The following SCUBE1 variants were observed in gnomAD, a reference collection of about 807,000 sequenced individuals.
The protein encoded by SCUBE1 is signal peptide, CUB domain and EGF like domain containing 1, also known as signal peptide, CUB and EGF-like domain-containing protein 1.
In SCUBE1, 59 loss-of-function variants were observed where a neutral mutation model predicts 124.4. The observed-to-expected ratio is 0.47, with a 90% CI of 0.38 to 0.59. The LOEUF is 0.59. Among genes scored for constraint, SCUBE1 ranks in the 20% least tolerant of loss-of-function variants. The pLI is 0.00. For synonymous variants in SCUBE1, 545 were observed against 550.9 expected, an observed-to-expected ratio of 0.99 and a Z score of 0.15; for missense variants, 1,150 against 1,371.2, an observed-to-expected ratio of 0.84 and a Z score of 2.55.
intron 2 of SCUBE1, among the ~76,000 whole-genome samples, chr22:43,330,249 A>T (rs1004722422): frequency 1.3e-5 from 2 of 152,282 alleles, no homozygotes; most frequent in Middle Eastern, 3.4e-3. Flanking sequence ...TCACGGAGTT[A>T]GGAGGGACCA....
intron 15 of SCUBE1, among the ~76,000 whole-genome samples, chr22:43,214,676 C>T (rs925024965): frequency 2.0e-5 from 3 of 152,062 alleles, no homozygotes; most frequent in African/African-American, 7.2e-5. Flanking sequence ...GAGTTAGGGG[C>T]AGTGGGGAGG....
intron 4 of SCUBE1, among the ~76,000 whole-genome samples, chr22:43,273,561 CTTTTTTT>C (rs1056252584): frequency 2.8e-4 from 17 of 60,972 alleles, no homozygotes; most frequent in Middle Eastern, 0.024. Context: ...CTAAAACCCT[CTTTTTTT>C]TTTTTTTTTT....
chr22:43,239,055 G>A (rs767586395), intron 6 of SCUBE1, 101 bp from the exon 7 acceptor site: 5 of 905,514 alleles, frequency 5.5e-6, no homozygotes, highest in Admixed American at 3.8e-5. Context: ...GACGAGACCC[G>A]GGTTCAAGCT....
chr22:43,212,310 T>C, intron 17 of SCUBE1, 115 bp downstream of exon 17: 1 of 1,209,570 alleles, frequency 8.3e-7, no homozygotes, highest in Non-Finnish European at 1.1e-6. Context: ...AGGCTCCTCC[T>C]CTGAGCTGGG....
intron 1 of SCUBE1, 53 bp downstream of exon 1, chr22:43,343,121 C>T (rs1927385562): frequency 2.1e-6 from 2 of 960,628 alleles, no homozygotes; most frequent in Non-Finnish European, 2.6e-6. Context: ...GACCGCGCCT[C>T]GGCCGCCCGA....
intron 4 of SCUBE1, among the ~76,000 whole-genome samples, chr22:43,278,090 G>T (rs1254126805): frequency 1.3e-5 from 2 of 152,262 alleles, no homozygotes; most frequent in Non-Finnish European, 2.9e-5. Flanking sequence ...CCAGCCGAAA[G>T]AGTTGTTTAT....
intron 4 of SCUBE1, among the ~76,000 whole-genome samples, chr22:43,281,540 T>TCACCCTCCTGTCACCTCCTCCTCAGC (rs1924894110): frequency 4.9e-5 from 2 of 40,774 alleles, no homozygotes; most frequent in African/African-American, 2.9e-4. Flanking sequence ...CCTCCCTCAG[T>TCACCCTCCTGTCACCTCCTCCTCAGC]CACCCTCCTG....
At chr22:43,277,381 G>A (rs1445732237) in intron 4 of SCUBE1, among the ~76,000 whole-genome samples, 2 of 151,300 alleles carry the variant, frequency 1.3e-5, no homozygotes, top group Non-Finnish European at 2.9e-5. Flanking sequence ...GAAGGCTTGC[G>A]GGGCAGGGAG....
In SCUBE1 at chr22:43,238,739, C is replaced by T. The variant is rs760252227; in HGVS notation, c.844+99G>A. ...GTCCTTTCCCACAGCTACACGTGGC[C>T]CCCGTTCAGCCCAGCCCTGGGCCCG... On this transcript the variant is annotated intron_variant, in intron 7 of 21. Transcript: ENST00000360835. The T allele has an allele frequency of 3.4e-5, 33 of 962,040 alleles. 1 individual carries two copies. In the Middle Eastern group the frequency reaches 6.6e-4, roughly 19 times the overall value. The allele number at this position is 962,040 out of a possible 1,614,324, so 59.6% of individuals were successfully genotyped here. A position where few individuals can be genotyped will look rare whatever the true frequency, so the allele number is the denominator to read the frequency against.
chr22:43,337,399 T>C (rs965845570), intron 2 of SCUBE1, among the ~76,000 whole-genome samples: 4 of 152,130 alleles, frequency 2.6e-5, no homozygotes, highest in Non-Finnish European at 4.4e-5. Flanking sequence ...GGGTCAACCA[T>C]GGCCCCGCCT....
intron 3 of SCUBE1, 34 bp from the exon 4 acceptor site, chr22:43,291,214 C>A (rs1208967993): frequency 6.3e-7 from 1 of 1,593,670 alleles, no homozygotes; most frequent in Admixed American, 1.7e-5. Flanking sequence ...GACCAGAGAT[C>A]ACACCTAAGT....
intron 15 of SCUBE1, among the ~76,000 whole-genome samples, chr22:43,217,760 G>C (rs12053785): frequency 0.27 from 40,629 of 151,702 alleles, 7,330 homozygotes; most frequent in East Asian, 0.51. Flanking sequence ...CCCCTCCAGC[G>C]CACACCCGCC....
At chr22:43,277,868 T>C (rs1924595967) in intron 4 of SCUBE1, among the ~76,000 whole-genome samples, 1 of 152,368 alleles carries the variant, frequency 6.6e-6, no homozygotes, top group Admixed American at 6.5e-5. Context: ...GCCCCAGGAC[T>C]TGTGGCAGAG....
Position 43,258,007 on chromosome 22 carries a change from G to A in SCUBE1, c.727+212C>T, listed in dbSNP as rs1923724837. 6.6e-6 allele frequency among the ~76,000 whole-genome samples: 1 copy of A among 152,170 alleles called. No homozygotes were observed. The highest frequency in any genetic ancestry group is 1.5e-5 in the Non-Finnish European group (1 of 68,030). ...ACACAAAGCAGAAAAGCCTGGTCTTGGGGGGCTGCAGGCCCCAGAGAAGCC... is the reference window on the plus strand; with the variant it reads ...ACACAAAGCAGAAAAGCCTGGTCTTAGGGGGCTGCAGGCCCCAGAGAAGCC... On this transcript the variant is annotated intron_variant, in intron 6 of 21. Transcript: ENST00000360835. This position sits in a 1 kb window ranked among gnomAD's most constrained non-coding sequence, Gnocchi z 5.0.
intron 2 of SCUBE1, among the ~76,000 whole-genome samples, chr22:43,336,389 AG>A (rs1372161983): frequency 1.3e-5 from 2 of 152,200 alleles, no homozygotes. Flanking sequence ...GATATCTTAC[AG>A]GTTGCTCATC....
At chr22:43,289,651 G>A (rs7290575) in intron 4 of SCUBE1, among the ~76,000 whole-genome samples, 95,531 of 152,122 alleles carry the variant, frequency 0.63, 31,954 homozygotes, top group Middle Eastern at 0.79. Context: ...ACACCTCACA[G>A]CCTCCTGCCT....
intron 2 of SCUBE1, among the ~76,000 whole-genome samples, chr22:43,336,966 T>TGTGTGTGTGTCTGTGTGTGC (rs1028413968): frequency 7.9e-5 from 12 of 151,980 alleles, no homozygotes; most frequent in Non-Finnish European, 1.0e-4. Context: ...TCTGTGTGTG[T>TGTGTGTGTGTCTGTGTGTGC]GTGTGTGTGT....
At chr22:43,224,180 C>T (rs935406495) in intron 10 of SCUBE1, among the ~76,000 whole-genome samples, 2 of 152,234 alleles carry the variant, frequency 1.3e-5, no homozygotes, top group Non-Finnish European at 2.9e-5. Context: ...CTTTGGGTGC[C>T]GTGGGCCACA....
At position 43,320,041 on chromosome 22, in the gene SCUBE1, T is replaced by C. The variant is rs1041985682; in HGVS notation, c.245A>G (p.Tyr82Cys). 8 of 1,614,012 alleles carry C rather than the reference T, an allele frequency of 5.0e-6. No individual in the cohort carries two copies. Among genetic ancestry groups the C allele is most frequent in the Admixed American group, 1.7e-5 (1 of 59,992 alleles). The change falls in exon 3 of 22, where the codon TAC (tyrosine) becomes TGC (cysteine). Residue 82 changes from tyrosine (Y) to cysteine (C), a missense_variant. Physicochemically the swap from Tyr to Cys is radical, Grantham distance 194. This residue lies in a region of SCUBE1 where 337 missense variants were observed against 482.1 expected (regional missense o/e 0.70). Coordinates refer to ENST00000360835, the MANE Select transcript of SCUBE1 (RefSeq NM_173050.5). Reference protein sequence around the residue: ...CEDIDECENDYYNGGCVHECI... With the variant: ...CEDIDECENDCYNGGCVHECI... Reference sequence around the variant, plus strand: ...CTCGTGGACACAGCCCCCATTGTAGTAGTCATTCTCACACTCGTCAATGTC... The same window carrying C: ...CTCGTGGACACAGCCCCCATTGTAGCAGTCATTCTCACACTCGTCAATGTC...
Sources: gnomAD v4.1 joint callset for allele counts (sites outside exome capture counted in the v4.1 genomes callset) on GRCh38, gnomAD v4.1.1 for gene constraint, gnomAD v4.1.1 regional missense constraint, Gnocchi (gnomAD v3.1) non-coding constraint, MANE v1.5 for transcripts, NCBI Gene and HGNC (gene_info 2026-07-23, HGNC 2026-07-21) for gene names.